C1QTNF2: variants seen among roughly 807,000 people sequenced by gnomAD.
The protein encoded by C1QTNF2 is complement C1q tumor necrosis factor-related protein 2.
In C1QTNF2, 15 loss-of-function variants were observed where a neutral mutation model predicts 17.4. The observed-to-expected ratio is 0.86, with a 90% CI of 0.58 to 1.33. The LOEUF is 1.33. C1QTNF2 is among the 40% of genes most tolerant of loss of function. C1QTNF2 has a pLI of 0.00. For missense variants in C1QTNF2, 381 were observed against 392.3 expected, an observed-to-expected ratio of 0.97 and a Z score of 0.24; for synonymous variants, 154 against 163.3, an observed-to-expected ratio of 0.94 and a Z score of 0.44.
At chr5:160,370,342 G>C (rs962857456) in intron 1 of C1QTNF2, among the ~76,000 whole-genome samples, 170 bp downstream of exon 1, 1 of 152,226 alleles carries the variant, frequency 6.6e-6, no homozygotes, top group African/African-American at 2.4e-5. Context: ...ATAATACGAA[G>C]GTAGAAGTCG....
intron 1 of C1QTNF2, chr5:160,355,225 A>G: frequency 1.0e-6 from 1 of 984,858 alleles, no homozygotes; most frequent in Non-Finnish European, 1.2e-6. Context: ...TGGAGTCATT[A>G]CCCAGAATAC....
chr5:160,354,595 A>ATATATATATATATATAT (rs1393405391), intron 2 of C1QTNF2, among the ~76,000 whole-genome samples, 173 bp downstream of exon 2: 3 of 32,736 alleles, frequency 9.2e-5, no homozygotes, highest in African/African-American at 3.4e-4. Context: ...AAAAAAAAAA[A>ATATATATATATATATAT]AAGTATATAT....
At chr5:160,355,095 CAGG>C in intron 1 of C1QTNF2, 75 bp from the exon 2 acceptor site, 1 of 1,449,364 alleles carries the variant, frequency 6.9e-7, no homozygotes. Context: ...AGGGGATGCA[CAGG>C]AGGAGGCAGC....
Position 160,349,389 on chromosome 5 carries a change from C to A in C1QTNF2, c.637G>T (p.Val213Leu). ...CGGATGCGGTACTGGCCGTTGTGCACCAGGCCGATGGCCAGGTGCTTGTTG... is the reference window on the plus strand; with the variant it reads ...CGGATGCGGTACTGGCCGTTGTGCAACAGGCCGATGGCCAGGTGCTTGTTG... ...LANKHLAIGL[V>L]HNGQYRIRTF... The change falls in exon 3 of 3, where the codon GTG (valine) becomes TTG (leucine). Residue 213 changes from valine (V) to leucine (L), a missense_variant. Physicochemically the swap from Val to Leu is conservative, Grantham distance 32. Transcript: ENST00000652664. The surrounding 1 kb of genome is among the most constrained non-coding windows in gnomAD (Gnocchi z 4.3). 1 of 1,614,066 alleles carries A rather than the reference C, an allele frequency of 6.2e-7. No homozygotes were observed. Among genetic ancestry groups the A allele is most frequent in the African/African-American group, 1.3e-5 (1 of 75,032 alleles).
At chr5:160,358,489 T>TG (rs1764093259) in intron 1 of C1QTNF2, among the ~76,000 whole-genome samples, 1 of 151,780 alleles carries the variant, frequency 6.6e-6, no homozygotes, top group South Asian at 2.1e-4. Flanking sequence ...TTTTTAGGGA[T>TG]GGGGGTCTTG....
rs1763884771 is a variant in C1QTNF2, at chr5:160,349,924, G to C, written c.245-143C>G. ...AAGGCTTTGCAGACATATAGAAGTG[G>C]GTGTAAATCCTAATGCTAGCTCTCT... On this transcript the variant is annotated intron_variant, in intron 2 of 2. Transcript: ENST00000652664. This position sits in a 1 kb window ranked among gnomAD's most constrained non-coding sequence, Gnocchi z 4.3. 1 of 946,258 alleles carries C rather than the reference G, an allele frequency of 1.1e-6. No homozygotes were observed. The highest frequency in any genetic ancestry group is 2.8e-5 in the East Asian group (1 of 36,224). 58.6% of individuals were successfully genotyped at this position (946,258 alleles called of 1,614,324 possible).
rs953503150 is a variant in C1QTNF2 at position 160,349,866 on chromosome 5, GAGA to G, written c.245-88_245-86del. 169 of 1,430,808 alleles carry G rather than the reference GAGA, an allele frequency of 1.2e-4. No individual in the cohort carries two copies. The highest frequency in any genetic ancestry group is 1.4e-4 in the Non-Finnish European group (151 of 1,083,002). The allele number at this position is 1,430,808 out of a possible 1,614,324, so 88.6% of individuals were successfully genotyped here. A position where few individuals can be genotyped will look rare whatever the true frequency, so the allele number is the denominator to read the frequency against. On this transcript the variant is annotated intron_variant, in intron 2 of 2. Transcript: ENST00000652664. The surrounding 1 kb of genome is among the most constrained non-coding windows in gnomAD (Gnocchi z 4.3). ...GGTGCGGCTTGGTCTTCCAATCTTG[GAGA>G]AGGAGTGCTTGGGTAATAGAAAGAA...
chr5:160,354,595 A>ATATATATATATATATATATAT (rs1393405391), intron 2 of C1QTNF2, among the ~76,000 whole-genome samples, 173 bp downstream of exon 2: 1 of 32,734 alleles, frequency 3.1e-5, no homozygotes, highest in Non-Finnish European at 5.9e-5. Context: ...AAAAAAAAAA[A>ATATATATATATATATATATAT]AAGTATATAT....
At chr5:160,367,582 C>A (rs147922150) in intron 1 of C1QTNF2, among the ~76,000 whole-genome samples, 6 of 152,274 alleles carry the variant, frequency 3.9e-5, no homozygotes, top group African/African-American at 1.4e-4. Context: ...ATGATGGCCA[C>A]CTGCAAGCCA....
intron 2 of C1QTNF2, among the ~76,000 whole-genome samples, chr5:160,352,015 A>G (rs1317759927): frequency 3.3e-5 from 5 of 151,844 alleles, no homozygotes; most frequent in Non-Finnish European, 7.4e-5. Flanking sequence ...GGCTTGAGTA[A>G]TCTTCCTGCC....
intron 1 of C1QTNF2, among the ~76,000 whole-genome samples, chr5:160,363,318 A>T (rs1410719272): frequency 1.3e-5 from 2 of 152,226 alleles, no homozygotes. Context: ...AGTACTCACG[A>T]AATGTCCCCT....
intron 2 of C1QTNF2, among the ~76,000 whole-genome samples, 171 bp downstream of exon 2, chr5:160,354,597 A>AATATATAT (rs769774870): frequency 4.8e-4 from 43 of 89,260 alleles, no homozygotes; most frequent in African/African-American, 9.2e-4. Flanking sequence ...AAAAAAAAAA[A>AATATATAT]GTATATATAT....
chr5:160,369,307 G>A (rs910602070), intron 1 of C1QTNF2, among the ~76,000 whole-genome samples: 2 of 152,202 alleles, frequency 1.3e-5, no homozygotes, highest in African/African-American at 4.8e-5. Flanking sequence ...ACTGGTAAGT[G>A]TGGTATCCCT....
chr5:160,353,788 C>CTTTTTTTTTTT (rs200777932), intron 2 of C1QTNF2, among the ~76,000 whole-genome samples: 1 of 85,980 alleles, frequency 1.2e-5, no homozygotes, highest in Non-Finnish European at 2.1e-5. Flanking sequence ...ACTTCTCAGG[C>CTTTTTTTTTTT]TTTTTTTTTT....
intron 1 of C1QTNF2, among the ~76,000 whole-genome samples, chr5:160,367,280 G>A (rs1581041824): frequency 6.6e-6 from 1 of 152,168 alleles, no homozygotes; most frequent in East Asian, 1.9e-4. Flanking sequence ...TTCTTGGGCA[G>A]CAGAAGGATC....
At chr5:160,359,640 G>A (rs1367362817) in intron 1 of C1QTNF2, among the ~76,000 whole-genome samples, 1 of 152,146 alleles carries the variant, frequency 6.6e-6, no homozygotes, top group African/African-American at 2.4e-5. Flanking sequence ...ATCAATGCTT[G>A]AGCAAAACCT....
Position 160,349,907 on chromosome 5 carries a change from G to T in C1QTNF2, c.245-126C>A. The T allele has an allele frequency of 5.3e-6, 6 of 1,132,828 alleles. No homozygotes were observed. Among genetic ancestry groups the T allele is most frequent in the Non-Finnish European group, 7.2e-6 (6 of 830,992 alleles). 70.2% of individuals were successfully genotyped at this position (1,132,828 alleles called of 1,614,324 possible). On this transcript the variant is annotated intron_variant, in intron 2 of 2. Coordinates refer to ENST00000652664, the MANE Select transcript of C1QTNF2 (RefSeq NM_031908.6). The surrounding 1 kb of genome is among the most constrained non-coding windows in gnomAD (Gnocchi z 4.3). ...GTAATAGAAAGAACAAGAAGGCTTT[G>T]CAGACATATAGAAGTGGGTGTAAAT...
In C1QTNF2 at chr5:160,349,113, C is replaced by A; in HGVS notation, c.*55G>T. ...CAGCCTACAGTTGTGGGGTCTTGCT[C>A]TGTAAGCCCAAGTCCAGAAGCTTGT... On this transcript the variant is annotated 3_prime_UTR_variant, in exon 3 of 3. Coordinates refer to ENST00000652664, the MANE Select transcript of C1QTNF2 (RefSeq NM_031908.6). This position sits in a 1 kb window ranked among gnomAD's most constrained non-coding sequence, Gnocchi z 4.3. The A allele has an allele frequency of 1.9e-6, 3 of 1,556,212 alleles. No homozygotes were observed. Among genetic ancestry groups the A allele is most frequent in the South Asian group, 2.5e-5 (2 of 80,254 alleles).
At chr5:160,364,244 G>T (rs765479569) in intron 1 of C1QTNF2, among the ~76,000 whole-genome samples, 2 of 152,160 alleles carry the variant, frequency 1.3e-5, no homozygotes, top group African/African-American at 4.8e-5. Flanking sequence ...TCCAATAGCC[G>T]CATGGTGGCT....
Sources: allele counts gnomAD v4.1 joint callset (sites outside exome capture counted in the v4.1 genomes callset), GRCh38; gene constraint gnomAD v4.1.1; non-coding constraint Gnocchi (gnomAD v3.1); transcripts MANE v1.5; gene names NCBI Gene and HGNC (gene_info 2026-07-23, HGNC 2026-07-21).